Variants in CBY2 observed in about 807,000 individuals in gnomAD.
CBY2 encodes the protein chibby family member 2, also known as protein chibby homolog 2.
A neutral mutation model predicts 25.3 loss-of-function variants in CBY2; 23 were observed. The ratio of observed to expected loss-of-function variants is 0.91; its 90% CI spans 0.65 to 1.29. CBY2 has a LOEUF of 1.29. CBY2 is among the 50% of genes most tolerant of loss of function. The probability of loss-of-function intolerance (pLI) is 0.00; values close to 1 mark genes in which losing one functional copy is unlikely to be tolerated. For missense variants in CBY2, 642 were observed against 590.7 expected (o/e 1.09, Z -0.90); for synonymous variants, 279 against 260.2 (o/e 1.07, Z -0.70).
intron 2 of CBY2, among the ~76,000 whole-genome samples, chr13:45,707,672 G>T (rs1351200415): frequency 1.3e-5 from 2 of 152,210 alleles, no homozygotes; most frequent in African/African-American, 4.8e-5. Flanking sequence ...GGAGAGGACA[G>T]GCCTGGTTGT....
In CBY2 at chr13:45,702,325, C is replaced by T; in HGVS notation, c.-66C>T. 2 of 1,417,274 alleles carry T rather than the reference C, an allele frequency of 1.4e-6. No individual in the cohort carries two copies. The highest frequency in any genetic ancestry group is 2.0e-6 in the Non-Finnish European group (2 of 1,001,052). 87.8% of individuals were successfully genotyped at this position (1,417,274 alleles called of 1,614,324 possible). A position where few individuals can be genotyped will look rare whatever the true frequency, so the allele number is the denominator to read the frequency against. ...ACAAGCTCTTCCTGCCTGTCAGATG[C>T]CTCATTCCCACCTGTGATGCTCAGA... On this transcript the variant is annotated 5_prime_UTR_variant, in exon 1 of 3. Transcript: ENST00000310521.
chr13:45,714,341 G>T lies in CBY2; in HGVS notation c.1316G>T (p.Ser439Ile), dbSNP rs779530749. The change falls in exon 3 of 3, where the codon AGC becomes ATC. Residue 439 changes from serine to isoleucine, a missense_variant. Transcript: ENST00000310521. ...CTCTACGCCTTCATGCCGGCCAGGA[G>T]CCAGGACCCCAAGAAGCCTAGCAGG... ...EELYAFMPARSQDPKKPSRV is the reference protein window; with the variant it reads ...EELYAFMPARIQDPKKPSRV 3.7e-6 allele frequency: 6 copies of T among 1,610,814 alleles called. No individual in the cohort carries two copies. In the East Asian group the frequency reaches 8.9e-5, roughly 24 times the overall value.
At chr13:45,710,383 C>T (rs1317993591) in intron 2 of CBY2, among the ~76,000 whole-genome samples, 2 of 152,104 alleles carry the variant, frequency 1.3e-5, no homozygotes, top group Admixed American at 6.6e-5. Flanking sequence ...ATTAGCCAGG[C>T]GTGGTGGCAC....
chr13:45,705,288 C>G (rs1185161680), intron 2 of CBY2, among the ~76,000 whole-genome samples: 1 of 152,184 alleles, frequency 6.6e-6, no homozygotes, highest in African/African-American at 2.4e-5. Context: ...TTCTCACAGA[C>G]TTTCGCGTTT....
chr13:45,712,353 T>C (rs1950275905), intron 2 of CBY2, among the ~76,000 whole-genome samples: 1 of 152,236 alleles, frequency 6.6e-6, no homozygotes, highest in African/African-American at 2.4e-5. Context: ...TGTTAATTGG[T>C]AAGTAGTGAG....
intron 2 of CBY2, among the ~76,000 whole-genome samples, chr13:45,706,817 A>G (rs1316965728): frequency 6.6e-6 from 1 of 152,164 alleles, no homozygotes; most frequent in Non-Finnish European, 1.5e-5. Flanking sequence ...GAGGAGTCCT[A>G]CTGAGAAGGA....
At chr13:45,711,206 C>A (rs1277800427) in intron 2 of CBY2, among the ~76,000 whole-genome samples, 1 of 152,128 alleles carries the variant, frequency 6.6e-6, no homozygotes, top group Non-Finnish European at 1.5e-5. Flanking sequence ...ATAATTCTTG[C>A]ATTAGTGAAA....
Position 45,713,497 on chromosome 13 carries a change from C to A in CBY2, c.472C>A (p.His158Asn), listed in dbSNP as rs1054531612. Residue 158 changes from histidine to asparagine, a missense_variant, in exon 3 of 3, where the codon CAC becomes AAC. Physicochemically the swap from His to Asn is moderately conservative, Grantham distance 68. Transcript: ENST00000310521. This position sits in a 1 kb window ranked among gnomAD's most constrained non-coding sequence, Gnocchi z 5.0. ...ATCCGCCTCCTTCCACCACAAGCTG[C>A]ACCACAAGAGGCTGGCCAAGGAGTG... is the stretch of plus-strand genomic sequence containing the variant. ...SPSASFHHKLHHKRLAKECML... is the reference protein window; with the variant it reads ...SPSASFHHKLNHKRLAKECML... 1 of 1,614,226 alleles carries A rather than the reference C, an allele frequency of 6.2e-7. No individual in the cohort carries two copies. Among genetic ancestry groups the A allele is most frequent in the Non-Finnish European group, 8.5e-7 (1 of 1,180,034 alleles).
chr13:45,709,211 A>T (rs1438764799), intron 2 of CBY2, among the ~76,000 whole-genome samples: 1 of 152,250 alleles, frequency 6.6e-6, no homozygotes, highest in Non-Finnish European at 1.5e-5. Context: ...GTGTGAATAA[A>T]GACCAGGGCA....
chr13:45,704,321 G>C lies in CBY2; in HGVS notation c.156+1466G>C, dbSNP rs1207404529. The stretch of plus-strand genomic sequence containing the variant: ...GCCTGCTTCCTGTGCTGGAGGACCT[G>C]GTGCTGCTGCTGGGGTCTTGTGGGG... On this transcript the variant is annotated intron_variant, in intron 2 of 2. Transcript: ENST00000310521. The surrounding 1 kb of genome is among the most constrained non-coding windows in gnomAD (Gnocchi z 4.1). Among the ~76,000 whole-genome samples, 1 of 152,178 alleles carries C rather than the reference G, an allele frequency of 6.6e-6. No homozygotes were observed. Among genetic ancestry groups the C allele is most frequent in the Non-Finnish European group, 1.5e-5 (1 of 68,032 alleles).
Position 45,713,252 on chromosome 13 carries a change from C to T in CBY2, c.227C>T (p.Ala76Val). Reference protein sequence around the residue: ...YSTPRCAQQAALPRLSRRMAS... With the variant: ...YSTPRCAQQAVLPRLSRRMAS... The stretch of plus-strand genomic sequence containing the variant: ...ACCCCTCGCTGCGCGCAGCAGGCCG[C>T]CCTGCCCCGGCTGAGCCGCAGGATG... The change falls in exon 3 of 3, where the codon GCC becomes GTC. Residue 76 changes from alanine (A) to valine (V), a missense_variant. Physicochemically the swap from Ala to Val is moderately conservative, Grantham distance 64. Transcript: ENST00000310521. This position sits in a 1 kb window ranked among gnomAD's most constrained non-coding sequence, Gnocchi z 5.0. 1 of 1,613,768 alleles carries T rather than the reference C, an allele frequency of 6.2e-7. No individual in the cohort carries two copies. The highest frequency in any genetic ancestry group is 1.3e-5 in the African/African-American group (1 of 75,070).
Position 45,704,530 on chromosome 13 carries a change from C to T in CBY2, c.156+1675C>T, listed in dbSNP as rs1950229414. Reference sequence around the variant, plus strand: ...GTGTGGGTGTCTACAACTAGATGATCCGAACCAAAATACCACCAGGCCTGC... The same window carrying T: ...GTGTGGGTGTCTACAACTAGATGATTCGAACCAAAATACCACCAGGCCTGC... On this transcript the variant is annotated intron_variant, in intron 2 of 2. Transcript: ENST00000310521. This position sits in a 1 kb window ranked among gnomAD's most constrained non-coding sequence, Gnocchi z 4.1. Among the ~76,000 whole-genome samples, 1 of 152,176 alleles carries T rather than the reference C, an allele frequency of 6.6e-6. No homozygotes were observed. The highest frequency in any genetic ancestry group is 6.5e-5 in the Admixed American group (1 of 15,282).
chr13:45,703,901 G>A (rs1950225595), intron 2 of CBY2, among the ~76,000 whole-genome samples: 1 of 152,050 alleles, frequency 6.6e-6, no homozygotes, highest in Admixed American at 6.6e-5. Flanking sequence ...AAATACGCAG[G>A]GAGTTGTGTT....
chr13:45,709,939 T>G (rs566659668), intron 2 of CBY2, among the ~76,000 whole-genome samples: 1 of 152,322 alleles, frequency 6.6e-6, no homozygotes, highest in Non-Finnish European at 1.5e-5. Flanking sequence ...AAGGAGCTAG[T>G]GCTGGTTATT....
In CBY2 at chr13:45,704,765, C is replaced by G. The variant is rs1343064792; in HGVS notation, c.156+1910C>G. ...AGGAACCCCACTAGTAATGGCAGAG[C>G]TCGAGGAAGGGGCTTGAACTCAAAT... On this transcript the variant is annotated intron_variant, in intron 2 of 2. Transcript: ENST00000310521. The surrounding 1 kb of genome is among the most constrained non-coding windows in gnomAD (Gnocchi z 4.1). 6.6e-6 allele frequency among the ~76,000 whole-genome samples: 1 copy of G among 152,176 alleles called. No individual in the cohort carries two copies. Among genetic ancestry groups the G allele is most frequent in the African/African-American group, 2.4e-5 (1 of 41,432 alleles).
chr13:45,710,574 C>T (rs1483479044), intron 2 of CBY2, among the ~76,000 whole-genome samples: 41 of 152,144 alleles, frequency 2.7e-4, no homozygotes, highest in Admixed American at 2.6e-4. Context: ...AAAACATTCA[C>T]GTCTTTGGCT....
intron 1 of CBY2, 76 bp from the exon 2 acceptor site, chr13:45,702,699 T>C (rs1950216704): frequency 1.7e-6 from 2 of 1,195,600 alleles, no homozygotes; most frequent in Non-Finnish European, 2.5e-6. Context: ...GAAAGTTCTG[T>C]GTTTTTTAGG....
intron 2 of CBY2, among the ~76,000 whole-genome samples, chr13:45,705,127 A>C (rs185604386): frequency 2.6e-4 from 40 of 152,318 alleles, no homozygotes; most frequent in African/African-American, 9.1e-4. Context: ...AGGTCTTTTC[A>C]GGACTCATTG....
Position 45,702,812 on chromosome 13 carries a change from G to T in CBY2, c.113G>T (p.Arg38Ile), listed in dbSNP as rs1950217996. 6.2e-7 allele frequency: 1 copy of T among 1,614,114 alleles called. No individual in the cohort carries two copies. The highest frequency in any genetic ancestry group is 8.5e-7 in the Non-Finnish European group (1 of 1,179,960). The change falls in exon 2 of 3, where the codon AGA becomes ATA. Residue 38 changes from arginine (R) to isoleucine (I), a missense_variant. Coordinates refer to ENST00000310521, the MANE Select transcript of CBY2 (RefSeq NM_152719.3). ...AATTATACAAGAAAAAGAGATACCA[G>T]ATCTGAAAGCCTAGAAATTCCAATC... ...RPNYTRKRDT[R>I]SESLEIPISV...
Sources: gnomAD v4.1 joint callset for allele counts (sites outside exome capture counted in the v4.1 genomes callset) on GRCh38, gnomAD v4.1.1 for gene constraint, Gnocchi (gnomAD v3.1) non-coding constraint, MANE v1.5 for transcripts, NCBI Gene and HGNC (gene_info 2026-07-23, HGNC 2026-07-21) for gene names.